Variants in TMEM132D observed in about 807,000 individuals in gnomAD.
TMEM132D encodes the protein transmembrane protein 132D, also known as mature OL transmembrane protein.
A neutral mutation model predicts 62.3 loss-of-function variants in TMEM132D; 21 were observed. That is an observed-to-expected ratio of 0.34 (90% confidence interval 0.24 to 0.49). The LOEUF (loss-of-function observed/expected upper bound fraction) is 0.49. Among genes scored for constraint, TMEM132D ranks in the 20% least tolerant of loss-of-function variants. TMEM132D has a pLI of 0.99. For missense variants in TMEM132D, 1,346 were observed against 1,402.8 expected, an observed-to-expected ratio of 0.96 and a Z score of 0.65; for synonymous variants, 621 against 575.6, an observed-to-expected ratio of 1.08 and a Z score of -1.13.
At chr12:129,432,319 T>TTGGA (rs916706920) in intron 3 of TMEM132D, among the ~76,000 whole-genome samples, 36 of 37,706 alleles carry the variant, frequency 9.5e-4, no homozygotes, top group Non-Finnish European at 1.1e-3. Flanking sequence ...GGATGGATGC[T>TTGGA]TGGATGGATG....
At chr12:129,127,544 T>A (rs10773600) in intron 5 of TMEM132D, among the ~76,000 whole-genome samples, 143,576 of 152,186 alleles carry the variant, frequency 0.94, 68,038 homozygotes, top group Non-Finnish European at 1. Context: ...CATTTAAAAG[T>A]CAATGTGAAC....
intron 3 of TMEM132D, among the ~76,000 whole-genome samples, chr12:129,436,969 C>T (rs1008865360): frequency 5.3e-5 from 8 of 152,116 alleles, no homozygotes; most frequent in African/African-American, 1.7e-4. Flanking sequence ...AGAACAATTA[C>T]TGAGGATAAA....
intron 3 of TMEM132D, among the ~76,000 whole-genome samples, chr12:129,374,624 C>G (rs1669764731): frequency 6.6e-6 from 1 of 152,012 alleles, no homozygotes; most frequent in South Asian, 2.1e-4. Flanking sequence ...AAGGTGCCAC[C>G]CAAGGGCTGT....
chr12:129,859,130 G>A (rs1465206491), intron 1 of TMEM132D, among the ~76,000 whole-genome samples: 3 of 152,168 alleles, frequency 2.0e-5, no homozygotes, highest in Admixed American at 6.5e-5. Context: ...GTTCCACCAC[G>A]TGAGGACACG....
chr12:129,777,211 G>T (rs1418422838), intron 1 of TMEM132D, among the ~76,000 whole-genome samples: 1 of 152,106 alleles, frequency 6.6e-6, no homozygotes, highest in Non-Finnish European at 1.5e-5. Context: ...TACCACAAAG[G>T]TGAAAAGCGA....
chr12:129,338,328 C>G (rs891896713), intron 3 of TMEM132D, among the ~76,000 whole-genome samples: 5 of 152,092 alleles, frequency 3.3e-5, no homozygotes, highest in African/African-American at 1.2e-4. Flanking sequence ...GTGTGCACAA[C>G]AAACCAGGGT....
chr12:129,804,669 T>C (rs1353487706), intron 1 of TMEM132D, among the ~76,000 whole-genome samples: 1 of 61,900 alleles, frequency 1.6e-5, no homozygotes, highest in African/African-American at 5.2e-5. Flanking sequence ...CTATTCAACA[T>C]AGTGTTGGAA....
chr12:129,285,539 A>AAAAAGAG (rs56018646), intron 4 of TMEM132D, among the ~76,000 whole-genome samples: 7 of 90,030 alleles, frequency 7.8e-5, no homozygotes, highest in Admixed American at 3.0e-4. Context: ...AAAAAAAAAA[A>AAAAAGAG]AGAGAGAGAG....
At chr12:129,823,592 T>C (rs1199742960) in intron 1 of TMEM132D, among the ~76,000 whole-genome samples, 1 of 152,210 alleles carries the variant, frequency 6.6e-6, no homozygotes, top group Non-Finnish European at 1.5e-5. Context: ...GCCATGATGC[T>C]CCTTCTGTGC....
intron 2 of TMEM132D, among the ~76,000 whole-genome samples, chr12:129,598,664 A>G (rs1184102185): frequency 6.6e-6 from 1 of 152,230 alleles, no homozygotes; most frequent in Non-Finnish European, 1.5e-5. Context: ...AATAAATACT[A>G]TCAAGAAAAG....
At chr12:129,467,252 T>C (rs1471586002) in intron 3 of TMEM132D, among the ~76,000 whole-genome samples, 1 of 152,138 alleles carries the variant, frequency 6.6e-6, no homozygotes, top group East Asian at 1.9e-4. Context: ...GATCCAAACA[T>C]GGTTGAATCC....
chr12:129,398,597 C>T (rs1211111813), intron 3 of TMEM132D, among the ~76,000 whole-genome samples: 1 of 152,138 alleles, frequency 6.6e-6, no homozygotes, highest in African/African-American at 2.4e-5. Context: ...GTTGGCTATG[C>T]ATGATGAGGA....
chr12:129,349,231 A>G (rs1869789322), intron 3 of TMEM132D, among the ~76,000 whole-genome samples: 1 of 152,202 alleles, frequency 6.6e-6, no homozygotes, highest in South Asian at 2.1e-4. Flanking sequence ...CTCCGGATAT[A>G]ACACTTGAAG....
rs151174552 is a variant in TMEM132D at position 129,076,549 on chromosome 12, A to ATACT, written c.2116-1494_2116-1491dup. 4.6e-3 allele frequency among the ~76,000 whole-genome samples: 707 copies of ATACT among 152,318 alleles called. 41 individuals carry two copies. In the East Asian group the frequency reaches 0.13, roughly 27 times the overall value. On this transcript the variant is annotated intron_variant, in intron 8 of 8. Transcript: ENST00000422113. The stretch of plus-strand genomic sequence containing the variant: ...CTCTTTCCTTCAGCTCAGCCAAGAA[A>ATACT]TACTTATTCTGTTAGACACTGGCTT...
intron 2 of TMEM132D, among the ~76,000 whole-genome samples, chr12:129,542,518 T>C (rs554415775): frequency 5.9e-5 from 9 of 152,268 alleles, no homozygotes; most frequent in Middle Eastern, 3.4e-3. Context: ...AATATTCAAA[T>C]GGCATGAATG....
chr12:129,484,721 G>T (rs1424459563), intron 3 of TMEM132D, among the ~76,000 whole-genome samples: 1 of 152,130 alleles, frequency 6.6e-6, no homozygotes, highest in African/African-American at 2.4e-5. Context: ...CTCATTTAAG[G>T]CATGCTCTCC....
At chr12:129,135,514 T>G (rs1876531305) in intron 5 of TMEM132D, among the ~76,000 whole-genome samples, 1 of 152,234 alleles carries the variant, frequency 6.6e-6, no homozygotes, top group South Asian at 2.1e-4. Flanking sequence ...AAGTGGGTGA[T>G]GCATAAGTGC....
At chr12:129,413,685 A>C (rs34268171) in intron 3 of TMEM132D, among the ~76,000 whole-genome samples, 43 of 152,204 alleles carry the variant, frequency 2.8e-4, no homozygotes, top group Non-Finnish European at 5.7e-4. Flanking sequence ...GAGTTCCACA[A>C]ATATTTACTG....
chr12:129,647,258 T>C (rs80182318), intron 2 of TMEM132D, among the ~76,000 whole-genome samples: 17 of 151,152 alleles, frequency 1.1e-4, no homozygotes, highest in Non-Finnish European at 2.4e-4. Context: ...TTTTTTTTTT[T>C]TGCAATTTGT....
Sources: gnomAD v4.1 joint callset for allele counts (sites outside exome capture counted in the v4.1 genomes callset) on GRCh38, gnomAD v4.1.1 for gene constraint, MANE v1.5 for transcripts, NCBI Gene and HGNC (gene_info 2026-07-23, HGNC 2026-07-21) for gene names.